GABRB1: variants seen among roughly 807,000 people sequenced by gnomAD.
GABRB1 encodes the protein gamma-aminobutyric acid type A receptor subunit beta1, also known as gamma-aminobutyric acid receptor subunit beta-1.
In GABRB1, 17 loss-of-function variants were observed where a neutral mutation model predicts 51.6. The ratio of observed to expected loss-of-function variants is 0.33; its 90% CI spans 0.23 to 0.49. The LOEUF (loss-of-function observed/expected upper bound fraction) is 0.49, where lower values mean the gene tolerates loss of function less well. GABRB1 is among the 20% of genes least tolerant of loss of function. The pLI is 0.99. For synonymous variants in GABRB1, 247 were observed against 218.9 expected (o/e 1.13, Z -1.14); for missense variants, 410 against 600.6 (o/e 0.68, Z 3.32).
intron 3 of GABRB1, among the ~76,000 whole-genome samples, chr4:47,112,710 A>T (rs543903546): frequency 6.6e-6 from 1 of 152,248 alleles, no homozygotes; most frequent in African/African-American, 2.4e-5. Flanking sequence ...AATCTTTATT[A>T]AGTGCCTACC....
chr4:47,316,595 C>A (rs1724900604), intron 4 of GABRB1, among the ~76,000 whole-genome samples: 1 of 151,834 alleles, frequency 6.6e-6, no homozygotes, highest in African/African-American at 2.4e-5. Context: ...ACTTGTGCTG[C>A]CAGGTTAAAT....
At chr4:47,019,625 C>CTCTCTCTCTCTCTCTCTTTCTT (rs1274221477) in intron 1 of GABRB1, among the ~76,000 whole-genome samples, 1 of 91,062 alleles carries the variant, frequency 1.1e-5, no homozygotes, top group Admixed American at 1.3e-4. Flanking sequence ...TTCTTTCTCT[C>CTCTCTCTCTCTCTCTCTTTCTT]TCTTTCTTTC....
rs1036432184 is a variant in GABRB1 at position 47,426,092 on chromosome 4, G to A, written c.*74G>A. On this transcript the variant is annotated 3_prime_UTR_variant, in exon 9 of 9. Coordinates refer to ENST00000295454, the MANE Select transcript of GABRB1 (RefSeq NM_000812.4). ...TTTAACCTTACAGGTCCCCAACAGCGATACTGCTGTTTCTCGAGGTAAGAG... is the reference window on the plus strand; with the variant it reads ...TTTAACCTTACAGGTCCCCAACAGCAATACTGCTGTTTCTCGAGGTAAGAG... The A allele has an allele frequency of 1.2e-5, 14 of 1,191,228 alleles. No homozygotes were observed. In the Admixed American group the frequency reaches 1.9e-4, roughly 16 times the overall value. 73.8% of individuals were successfully genotyped at this position (1,191,228 alleles called of 1,614,324 possible). A position where few individuals can be genotyped will look rare whatever the true frequency, so the allele number is the denominator to read the frequency against.
At chr4:47,369,494 C>A (rs1238214967) in intron 5 of GABRB1, among the ~76,000 whole-genome samples, 2 of 151,850 alleles carry the variant, frequency 1.3e-5, no homozygotes, top group African/African-American at 4.8e-5. Context: ...TTTCCTCCGT[C>A]AAATTTATAT....
intron 3 of GABRB1, chr4:47,032,735 C>A: frequency 1.4e-6 from 1 of 692,864 alleles, no homozygotes; most frequent in Non-Finnish European, 2.7e-6. Context: ...GACTGTTGCG[C>A]CGTGGATCTG....
At chr4:47,200,147 C>A (rs1387567603) in intron 4 of GABRB1, among the ~76,000 whole-genome samples, 3 of 152,128 alleles carry the variant, frequency 2.0e-5, no homozygotes, top group African/African-American at 7.2e-5. Flanking sequence ...AGATAAGACA[C>A]AATGAGAAGC....
chr4:47,054,184 G>C (rs536101300), intron 3 of GABRB1, among the ~76,000 whole-genome samples: 52 of 151,932 alleles, frequency 3.4e-4, no homozygotes, highest in African/African-American at 1.2e-3. Flanking sequence ...CATATAAAAG[G>C]CTCCTGAGTG....
chr4:47,259,660 A>G (rs1397779846), intron 4 of GABRB1, among the ~76,000 whole-genome samples: 1 of 152,188 alleles, frequency 6.6e-6, no homozygotes, highest in East Asian at 1.9e-4. Flanking sequence ...AGGTTATATG[A>G]CAAGCGGCTG....
intron 4 of GABRB1, among the ~76,000 whole-genome samples, chr4:47,261,072 G>A (rs1453332981): frequency 2.0e-5 from 3 of 152,140 alleles, no homozygotes; most frequent in Non-Finnish European, 4.4e-5. Context: ...ACCTATCTAT[G>A]ACGAACCCAC....
intron 3 of GABRB1, among the ~76,000 whole-genome samples, chr4:47,153,644 G>A (rs1177745182): frequency 1.3e-5 from 2 of 152,044 alleles, no homozygotes; most frequent in African/African-American, 4.8e-5. Context: ...TGGCATATCA[G>A]TGTCATATGT....
chr4:47,019,713 T>TCCTTCTTC (rs1192837714), intron 1 of GABRB1, among the ~76,000 whole-genome samples: 2 of 147,918 alleles, frequency 1.4e-5, no homozygotes, highest in African/African-American at 5.0e-5. Context: ...TTTCCTTCTT[T>TCCTTCTTC]CCTTCTTCTT....
rs540175902 is a variant in GABRB1 at position 47,310,110 on chromosome 4, A to G, written c.462-10017A>G. On this transcript the variant is annotated intron_variant, in intron 4 of 8. Transcript: ENST00000295454. ...CCACCACCCAAATAAGTATAGAACTAAACTGTCTTGCATTGCAATCCTGAG... is the reference window on the plus strand; with the variant it reads ...CCACCACCCAAATAAGTATAGAACTGAACTGTCTTGCATTGCAATCCTGAG... Among the ~76,000 whole-genome samples, 6 of 152,348 alleles carry G rather than the reference A, an allele frequency of 3.9e-5. 1 individual carries two copies. In the East Asian group the frequency reaches 7.7e-4, roughly 20 times the overall value.
At chr4:47,009,456 C>T (rs555465574) in intron 1 of GABRB1, among the ~76,000 whole-genome samples, 46 of 152,220 alleles carry the variant, frequency 3.0e-4, no homozygotes, top group African/African-American at 1.1e-3. Flanking sequence ...AGGTAATCAA[C>T]ACTATCTACC....
intron 3 of GABRB1, among the ~76,000 whole-genome samples, chr4:47,065,095 G>T (rs1023856828): frequency 6.6e-6 from 1 of 152,146 alleles, no homozygotes; most frequent in African/African-American, 2.4e-5. Context: ...GTTAAAATTG[G>T]CTTGTACTCT....
chr4:47,059,708 G>A (rs1350504574), intron 3 of GABRB1, among the ~76,000 whole-genome samples: 1 of 152,182 alleles, frequency 6.6e-6, no homozygotes, highest in African/African-American at 2.4e-5. Context: ...TCAAAGATGG[G>A]TTGTGGAAGG....
At chr4:47,351,131 C>T (rs1295205720) in intron 5 of GABRB1, among the ~76,000 whole-genome samples, 1 of 152,192 alleles carries the variant, frequency 6.6e-6, no homozygotes, top group Non-Finnish European at 1.5e-5. Context: ...TGTCCTACCA[C>T]AAGGCTACCA....
At chr4:47,239,394 GT>G (rs2109846068) in intron 4 of GABRB1, among the ~76,000 whole-genome samples, 1 of 152,044 alleles carries the variant, frequency 6.6e-6, no homozygotes, top group East Asian at 1.9e-4. Context: ...TTATTTCCAG[GT>G]TTTGGTAATT....
chr4:47,012,588 C>T (rs966859465), intron 1 of GABRB1, among the ~76,000 whole-genome samples: 1 of 152,172 alleles, frequency 6.6e-6, no homozygotes, highest in Non-Finnish European at 1.5e-5. Flanking sequence ...CAACCCTAGC[C>T]TCTATAACAA....
rs146173257 is a variant in GABRB1, at chr4:47,413,978, G to A, written c.1080+7052G>A. On this transcript the variant is annotated intron_variant, in intron 8 of 8. Coordinates refer to ENST00000295454, the MANE Select transcript of GABRB1 (RefSeq NM_000812.4). ...ATTTCACAGTACAACGAGGCTTTAA[G>A]TAAGCTACCTCTGGGCCACTTTTAT... Among the ~76,000 whole-genome samples the A allele has an allele frequency of 2.2e-3, 328 of 152,324 alleles. 5 individuals are homozygous for A. Among genetic ancestry groups the A allele is most frequent in the South Asian group, 0.018 (86 of 4,832 alleles).
Sources: gnomAD v4.1 joint callset for allele counts (sites outside exome capture counted in the v4.1 genomes callset) on GRCh38, gnomAD v4.1.1 for gene constraint, MANE v1.5 for transcripts, NCBI Gene and HGNC (gene_info 2026-07-23, HGNC 2026-07-21) for gene names.